The following NELL2 variants were observed in gnomAD, a reference collection of about 807,000 sequenced individuals.
NELL2 encodes the protein protein kinase C-binding protein NELL2.
A neutral mutation model predicts 109.6 loss-of-function variants in NELL2; 41 were observed. The ratio of observed to expected loss-of-function variants is 0.37; its 90% CI spans 0.29 to 0.49. The LOEUF is 0.49. Among genes scored for constraint, NELL2 ranks in the 20% least tolerant of loss-of-function variants. NELL2 has a pLI of 0.98. For missense variants in NELL2, 900 were observed against 1,008.3 expected, an observed-to-expected ratio of 0.89 and a Z score of 1.45; for synonymous variants, 355 against 344.7, an observed-to-expected ratio of 1.03 and a Z score of -0.33.
chr12:44,899,377 C>T (rs577211067), intron 1 of NELL2, among the ~76,000 whole-genome samples: 63 of 152,256 alleles, frequency 4.1e-4, no homozygotes, highest in African/African-American at 1.4e-3. Flanking sequence ...CATCAGGTTA[C>T]CCACAAAGGG....
At chr12:44,817,312 C>T (rs111840617) in intron 2 of NELL2, among the ~76,000 whole-genome samples, 28 of 152,272 alleles carry the variant, frequency 1.8e-4, no homozygotes, top group African/African-American at 6.0e-4. Flanking sequence ...AAATTCTCCA[C>T]CTTTCTAGGC....
intron 13 of NELL2, among the ~76,000 whole-genome samples, chr12:44,644,444 A>G (rs1946977892): frequency 1.3e-5 from 2 of 151,540 alleles, no homozygotes. Flanking sequence ...TAAGGTGAGT[A>G]TTGCAACTGG....
upstream of NELL2, chr12:44,876,434 C>T (rs950821908): frequency 6.5e-5 from 84 of 1,284,798 alleles, no homozygotes; most frequent in Non-Finnish European, 8.0e-5. Context: ...CGCTCAGCGT[C>T]GGTCTCCCGC....
At chr12:44,540,789 A>AAAAAAAAAAAG (rs1942521900) in intron 15 of NELL2, among the ~76,000 whole-genome samples, 1 of 149,404 alleles carries the variant, frequency 6.7e-6, no homozygotes. Context: ...GCCAAAAAAA[A>AAAAAAAAAAAG]AAAAAAAAAG....
intron 16 of NELL2, among the ~76,000 whole-genome samples, chr12:44,528,018 G>T (rs554817061): frequency 6.7e-6 from 1 of 149,846 alleles, no homozygotes; most frequent in Non-Finnish European, 1.5e-5. Flanking sequence ...GGCGTGAACC[G>T]GGGAGGTGGA....
intron 9 of NELL2, among the ~76,000 whole-genome samples, chr12:44,717,959 C>T (rs1938576581): frequency 6.6e-6 from 1 of 152,120 alleles, no homozygotes; most frequent in South Asian, 2.1e-4. Flanking sequence ...GGAACAATAA[C>T]AAGAACAAAT....
intron 9 of NELL2, among the ~76,000 whole-genome samples, chr12:44,726,319 T>C (rs1314248224): frequency 2.0e-5 from 3 of 152,158 alleles, no homozygotes; most frequent in African/African-American, 7.2e-5. Flanking sequence ...AACGACTTCA[T>C]GAGGTGAGAA....
At chr12:44,882,189 G>C (rs1945418947) in intron 1 of NELL2, among the ~76,000 whole-genome samples, 2 of 151,878 alleles carry the variant, frequency 1.3e-5, no homozygotes, top group South Asian at 4.1e-4. Flanking sequence ...CAGGAATGAA[G>C]AGTAGAAGTG....
intron 15 of NELL2, among the ~76,000 whole-genome samples, chr12:44,600,139 T>C (rs1354178996): frequency 7.1e-6 from 1 of 140,342 alleles, no homozygotes; most frequent in Non-Finnish European, 1.5e-5. Flanking sequence ...TTTATTTATT[T>C]ATTTATTTAT....
intron 9 of NELL2, among the ~76,000 whole-genome samples, chr12:44,746,084 T>C (rs1167916092): frequency 1.3e-5 from 2 of 152,140 alleles, no homozygotes; most frequent in East Asian, 1.9e-4. Context: ...AGCATGGTAC[T>C]GGTACCAAAA....
chr12:44,649,232 CCTT>C (rs1197054117), intron 13 of NELL2, among the ~76,000 whole-genome samples: 1 of 147,826 alleles, frequency 6.8e-6, no homozygotes, highest in Non-Finnish European at 1.5e-5. Flanking sequence ...CTCCTTCCCT[CCTT>C]CTTGTCTGCC....
chr12:44,589,360 T>C lies in NELL2; in HGVS notation c.1663+17809A>G, dbSNP rs534060765. Among the ~76,000 whole-genome samples, 3 of 151,832 alleles carry C rather than the reference T, an allele frequency of 2.0e-5. No homozygotes were observed. In the East Asian group the frequency reaches 5.8e-4, roughly 29 times the overall value. ...TGAAAAAAATTTGCTCCAGGCAATC[T>C]TTTCAAGCACAAAGAGACACTACTT... On this transcript the variant is annotated intron_variant, in intron 15 of 19. Coordinates refer to ENST00000429094, the MANE Select transcript of NELL2 (RefSeq NM_001145108.2).
In NELL2 at chr12:44,669,888, T is replaced by C. The variant is rs556576237; in HGVS notation, c.1319-4279A>G. 2.6e-3 allele frequency among the ~76,000 whole-genome samples: 389 copies of C among 152,302 alleles called. 1 individual carries two copies. The highest frequency in any genetic ancestry group is 0.01 in the Middle Eastern group (3 of 294). On this transcript the variant is annotated intron_variant, in intron 12 of 19. Coordinates refer to ENST00000429094, the MANE Select transcript of NELL2 (RefSeq NM_001145108.2). ...AGATTCCCAACTCTAAACATCCAGA[T>C]ACATGAAGCTCAAAGATTCCCAGAT...
At chr12:44,719,987 T>C (rs917991313) in intron 9 of NELL2, among the ~76,000 whole-genome samples, 17 of 152,118 alleles carry the variant, frequency 1.1e-4, no homozygotes, top group Admixed American at 4.6e-4. Flanking sequence ...TTTAATATTC[T>C]TAAAAAGCTC....
chr12:44,524,225 A>C (rs537088649), intron 16 of NELL2, among the ~76,000 whole-genome samples: 73 of 152,338 alleles, frequency 4.8e-4, no homozygotes, highest in African/African-American at 1.6e-3. Context: ...TTTCATGGCC[A>C]TCACAGCCTA....
At chr12:44,786,344 T>C (rs1279597118) in intron 3 of NELL2, among the ~76,000 whole-genome samples, 1 of 152,162 alleles carries the variant, frequency 6.6e-6, no homozygotes, top group Non-Finnish European at 1.5e-5. Context: ...TCATGCCAGT[T>C]AGAATGGCGA....
At chr12:44,619,359 C>T (rs1945958542) in intron 13 of NELL2, among the ~76,000 whole-genome samples, 1 of 152,126 alleles carries the variant, frequency 6.6e-6, no homozygotes, top group Non-Finnish European at 1.5e-5. Context: ...CAATAAATAG[C>T]TGCTTCCAGC....
At chr12:44,557,478 T>A (rs1943299349) in intron 15 of NELL2, among the ~76,000 whole-genome samples, 1 of 152,092 alleles carries the variant, frequency 6.6e-6, no homozygotes, top group Admixed American at 6.6e-5. Flanking sequence ...CAAATAAAGA[T>A]AATGATGATC....
chr12:44,548,779 A>G (rs372811161), intron 15 of NELL2, among the ~76,000 whole-genome samples: 1 of 152,186 alleles, frequency 6.6e-6, no homozygotes, highest in East Asian at 1.9e-4. Flanking sequence ...AATTTGTCTC[A>G]CCTTTTAATT....
Sources: gnomAD v4.1 joint callset for allele counts (sites outside exome capture counted in the v4.1 genomes callset) on GRCh38, gnomAD v4.1.1 for gene constraint, MANE v1.5 for transcripts, NCBI Gene and HGNC (gene_info 2026-07-23, HGNC 2026-07-21) for gene names.